Variants in ZNF75D observed in about 807,000 individuals in gnomAD.
The protein encoded by ZNF75D is zinc finger protein 75D, also known as zinc finger protein 75.
A neutral mutation model predicts 33.3 loss-of-function variants in ZNF75D; 33 were observed. The ratio of observed to expected loss-of-function variants is 0.99; its 90% CI spans 0.75 to 1.32. The LOEUF (loss-of-function observed/expected upper bound fraction) is 1.32, where lower values mean the gene tolerates loss of function less well. Ranked by LOEUF, ZNF75D falls within the 40% of genes most tolerant of loss-of-function variation. The pLI, the probability that ZNF75D is intolerant of heterozygous loss-of-function variation, is 0.00. For synonymous variants in ZNF75D, 113 were observed against 130.6 expected (o/e 0.87, Z 0.92); for missense variants, 338 against 367.5 (o/e 0.92, Z 0.66).
chrX:135,260,158 C>A (rs2083832847), intron 1 of ZNF75D, among the ~76,000 whole-genome samples: 1 of 112,025 alleles, frequency 8.9e-6, no homozygotes, highest in African/African-American at 3.2e-5. Flanking sequence ...TTGATCATGA[C>A]AGAGAAGCTT....
intron 1 of ZNF75D, among the ~76,000 whole-genome samples, chrX:135,331,975 GACT>G (rs782197817): frequency 8.9e-6 from 1 of 111,752 alleles, no homozygotes; most frequent in Admixed American, 9.5e-5. Flanking sequence ...AGGGGTTAGA[GACT>G]ACAAGGTAGA....
At chrX:135,295,080 GA>G (rs1304817495) in intron 2 of ZNF75D, among the ~76,000 whole-genome samples, 1 of 111,646 alleles carries the variant, frequency 9.0e-6, no homozygotes, top group Non-Finnish European at 1.9e-5. Flanking sequence ...TTATAGATGG[GA>G]AGGGTCTTAG....
intron 1 of ZNF75D, among the ~76,000 whole-genome samples, chrX:135,277,974 T>G (rs1466831867): frequency 1.8e-5 from 2 of 112,215 alleles, no homozygotes; most frequent in African/African-American, 3.2e-5. Flanking sequence ...AAACGGGCTC[T>G]TTTTTTGGTT....
At position 135,295,971 on chromosome X, in the gene ZNF75D, C is replaced by T. The variant is rs1201743360; in HGVS notation, c.-322G>A. On this transcript the variant is annotated 5_prime_UTR_variant, in exon 2 of 7. Transcript: ENST00000370766. The stretch of plus-strand genomic sequence containing the variant: ...TGGGGAGTCTTGGAATATCAGTTCC[C>T]TCATTCGATCCCTCCACCTCCCGAA... 5 of 111,175 alleles carry T rather than the reference C, an allele frequency of 4.5e-5. No individual in the cohort carries two copies. The highest frequency in any genetic ancestry group is 9.4e-5 in the Non-Finnish European group (5 of 52,957). 9.2% of individuals were successfully genotyped at this position (111,175 alleles called of 1,213,427 possible).
intron 2 of ZNF75D, among the ~76,000 whole-genome samples, chrX:135,294,816 T>A (rs915108310): frequency 9.0e-6 from 1 of 111,466 alleles, no homozygotes; most frequent in Non-Finnish European, 1.9e-5. Flanking sequence ...AAGATCAGAG[T>A]AGAAGTAAAG....
At chrX:135,268,912 G>A (rs1375101236) in intron 1 of ZNF75D, among the ~76,000 whole-genome samples, 2 of 111,063 alleles carry the variant, frequency 1.8e-5, no homozygotes, top group East Asian at 2.8e-4. Context: ...ATAGACCAAT[G>A]TAACAGAACA....
intron 1 of ZNF75D, among the ~76,000 whole-genome samples, chrX:135,326,946 T>G (rs782679170): frequency 1.8e-5 from 2 of 112,798 alleles, no homozygotes; most frequent in South Asian, 7.3e-4. Flanking sequence ...ATTCTTGAAG[T>G]CAGTGAGACC....
At chrX:135,318,888 A>G (rs1184480169) in intron 1 of ZNF75D, among the ~76,000 whole-genome samples, 1 of 112,259 alleles carries the variant, frequency 8.9e-6, no homozygotes, top group African/African-American at 3.2e-5. Flanking sequence ...TATGAAGGAA[A>G]ACAGGGAGAT....
intron 1 of ZNF75D, among the ~76,000 whole-genome samples, chrX:135,263,219 G>A (rs186310990): frequency 1.8e-5 from 2 of 112,634 alleles, no homozygotes; most frequent in East Asian, 5.7e-4. Flanking sequence ...CCTACACGAG[G>A]TGTCTGTCGG....
chrX:135,295,476 G>A (rs1009606692), intron 2 of ZNF75D, among the ~76,000 whole-genome samples: 20 of 111,993 alleles, frequency 1.8e-4, no homozygotes, highest in African/African-American at 6.2e-4. Context: ...TGCTTCACTA[G>A]TATCCCTGGG....
At chrX:135,252,300 TC>T (rs1318565347) in intron 2 of ZNF75D, among the ~76,000 whole-genome samples, 1 of 96,622 alleles carries the variant, frequency 1.0e-5, no homozygotes, top group Non-Finnish European at 2.1e-5. Flanking sequence ...CAATCTCACC[TC>T]TCTGTCACTT....
At chrX:135,339,045 C>G (rs1569496097) in intron 1 of ZNF75D, among the ~76,000 whole-genome samples, 1 of 109,897 alleles carries the variant, frequency 9.1e-6, no homozygotes, top group East Asian at 2.9e-4. Context: ...AACTCCTCTT[C>G]TGACTCTCAC....
chrX:135,268,676 G>A (rs1041018467), intron 1 of ZNF75D, among the ~76,000 whole-genome samples: 1 of 110,343 alleles, frequency 9.1e-6, no homozygotes, highest in African/African-American at 3.3e-5. Context: ...ACTACCCAAG[G>A]CAGCCTACAG....
chrX:135,321,676 C>T (rs782447935), intron 1 of ZNF75D, among the ~76,000 whole-genome samples: 9 of 112,066 alleles, frequency 8.0e-5, no homozygotes, highest in African/African-American at 1.3e-4. Context: ...GAGGTTGACG[C>T]GATGGGAACC....
intron 1 of ZNF75D, among the ~76,000 whole-genome samples, chrX:135,301,409 C>G (rs1442931769): frequency 9.0e-6 from 1 of 111,631 alleles, no homozygotes; most frequent in African/African-American, 3.3e-5. Flanking sequence ...AATAGTCCCC[C>G]AAAGTCTTAA....
chrX:135,270,224 A>G, intron 1 of ZNF75D, among the ~76,000 whole-genome samples: 1 of 107,806 alleles, frequency 9.3e-6, no homozygotes. Flanking sequence ...ATTTAATTGT[A>G]CATTTTAAAA....
At chrX:135,341,651 C>T in intron 1 of ZNF75D, 117 bp downstream of exon 1, 1 of 112,747 alleles carries the variant, frequency 8.9e-6, no homozygotes, top group Middle Eastern at 4.6e-3. Flanking sequence ...GCCACTAGAA[C>T]TGTCTTTACC....
At chrX:135,256,428 G>A (rs781850717) in intron 1 of ZNF75D, among the ~76,000 whole-genome samples, 2 of 111,271 alleles carry the variant, frequency 1.8e-5, no homozygotes, top group African/African-American at 6.5e-5. Context: ...TGTGTGTGTG[G>A]GGGGGTGCAT....
At chrX:135,280,305 C>A (rs1209381537) in intron 1 of ZNF75D, among the ~76,000 whole-genome samples, 1 of 111,553 alleles carries the variant, frequency 9.0e-6, no homozygotes, top group Non-Finnish European at 1.9e-5. Context: ...AGGATTGCAA[C>A]CCTTTCTGTT....
Sources: gnomAD v4.1 joint callset for allele counts (sites outside exome capture counted in the v4.1 genomes callset) on GRCh38, gnomAD v4.1.1 for gene constraint, MANE v1.5 for transcripts, NCBI Gene and HGNC (gene_info 2026-07-23, HGNC 2026-07-21) for gene names.